The following ZC3H12C variants were observed in gnomAD, a reference collection of about 807,000 sequenced individuals.
ZC3H12C encodes the protein zinc finger CCCH-type containing 12C.
In ZC3H12C, 20 loss-of-function variants were observed where a neutral mutation model predicts 76.3. That is an observed-to-expected ratio of 0.26 (90% CI 0.18 to 0.38). The LOEUF (loss-of-function observed/expected upper bound fraction) is 0.38. Ranked by LOEUF, ZC3H12C falls within the 10% of genes least tolerant of loss-of-function variation. The pLI is 1.00. For synonymous variants in ZC3H12C, 352 were observed against 399.6 expected (o/e 0.88, Z 1.42); for missense variants, 874 against 1,086.5 (o/e 0.80, Z 2.75).
At chr11:110,119,802 C>G (rs1437234202) in intron 1 of ZC3H12C, among the ~76,000 whole-genome samples, 1 of 152,168 alleles carries the variant, frequency 6.6e-6, no homozygotes, top group African/African-American at 2.4e-5. Context: ...GGCGAAGGAG[C>G]TTGCTCAAGC....
intron 4 of ZC3H12C, among the ~76,000 whole-genome samples, chr11:110,162,956 G>A (rs1482352958): frequency 6.6e-6 from 1 of 152,126 alleles, no homozygotes; most frequent in Non-Finnish European, 1.5e-5. Context: ...CTCTCCTAAA[G>A]TGTCACTGAA....
Position 110,107,431 on chromosome 11 carries a change from G to C in ZC3H12C, c.21+13999G>C, listed in dbSNP as rs570994143. Among the ~76,000 whole-genome samples, 3 of 152,130 alleles carry C rather than the reference G, an allele frequency of 2.0e-5. No individual in the cohort carries two copies. In the East Asian group the frequency reaches 5.8e-4, roughly 29 times the overall value. On this transcript the variant is annotated intron_variant, in intron 1 of 5. Coordinates refer to ENST00000278590, the MANE Select transcript of ZC3H12C (RefSeq NM_033390.2). ...AGGATCTCACTCTGTCACTCAGGCT[G>C]GAGTACAATGGCATGATCTCAGCTC...
chr11:110,138,379 A>G (rs1268267425), intron 2 of ZC3H12C, among the ~76,000 whole-genome samples: 3 of 152,164 alleles, frequency 2.0e-5, no homozygotes, highest in Non-Finnish European at 4.4e-5. Flanking sequence ...GTGCTGTCCA[A>G]GGGAAATACA....
rs2134209533 is a variant in ZC3H12C, at chr11:110,171,491, C to T, written c.*5754C>T. 6.6e-6 allele frequency: 1 copy of T among 152,296 alleles called. No individual in the cohort carries two copies. Among genetic ancestry groups the T allele is most frequent in the East Asian group, 1.9e-4 (1 of 5,184 alleles). 9.4% of individuals were successfully genotyped at this position (152,296 alleles called of 1,614,324 possible). On this transcript the variant is annotated 3_prime_UTR_variant, in exon 6 of 6. Transcript: ENST00000278590. Reference sequence around the variant, plus strand: ...AAACTAGTGTGATTGTATTTATCCTCTGTTCTGTGTATTTCTGTAATGGAA... The same window carrying T: ...AAACTAGTGTGATTGTATTTATCCTTTGTTCTGTGTATTTCTGTAATGGAA...
rs1862633345 is a variant in ZC3H12C, at chr11:110,169,307, C to T, written c.*3570C>T. The T allele has an allele frequency of 6.7e-6, 1 of 149,700 alleles. No homozygotes were observed. The highest frequency in any genetic ancestry group is 1.9e-4 in the East Asian group (1 of 5,150). 9.3% of individuals were successfully genotyped at this position (149,700 alleles called of 1,614,324 possible). On this transcript the variant is annotated 3_prime_UTR_variant, in exon 6 of 6. Transcript: ENST00000278590. ...AATATACTTTGCTTATGTTATAGCT[C>T]TTAGTTTGTGACAGGTGGGAGGATG... is the stretch of plus-strand genomic sequence containing the variant.
chr11:110,110,002 G>A (rs1861398733), intron 1 of ZC3H12C, among the ~76,000 whole-genome samples: 1 of 152,040 alleles, frequency 6.6e-6, no homozygotes, highest in Non-Finnish European at 1.5e-5. Context: ...AAAGTTACAG[G>A]CACAAATGTT....
intron 4 of ZC3H12C, among the ~76,000 whole-genome samples, chr11:110,162,007 G>A (rs961893813): frequency 2.6e-5 from 4 of 152,246 alleles, no homozygotes; most frequent in South Asian, 4.1e-4. Flanking sequence ...AGTGGTGGGC[G>A]CCTGTAATTC....
chr11:110,113,899 C>T (rs1861478444), intron 1 of ZC3H12C, among the ~76,000 whole-genome samples: 1 of 152,128 alleles, frequency 6.6e-6, no homozygotes, highest in Non-Finnish European at 1.5e-5. Flanking sequence ...GAGTTTCTTG[C>T]CTCCCCAAAA....
At chr11:110,130,957 G>A (rs774671141) in intron 1 of ZC3H12C, 1 of 1,423,050 alleles carries the variant, frequency 7.0e-7, no homozygotes, top group African/African-American at 1.4e-5. Flanking sequence ...ATTCCACTCG[G>A]TAATAGGTTA....
chr11:110,143,227 G>A (rs778208644), intron 2 of ZC3H12C, among the ~76,000 whole-genome samples: 30 of 152,042 alleles, frequency 2.0e-4, no homozygotes, highest in Non-Finnish European at 3.4e-4. Context: ...CTGTTTCTAC[G>A]TTTCTGTATT....
chr11:110,160,478 T>C (rs1391542478), intron 4 of ZC3H12C, among the ~76,000 whole-genome samples: 1 of 152,218 alleles, frequency 6.6e-6, no homozygotes, highest in Non-Finnish European at 1.5e-5. Flanking sequence ...TCCTTCTTTA[T>C]ATCCTTATTC....
At chr11:110,146,745 C>G (rs949812851) in intron 2 of ZC3H12C, among the ~76,000 whole-genome samples, 1 of 152,158 alleles carries the variant, frequency 6.6e-6, no homozygotes, top group Non-Finnish European at 1.5e-5. Context: ...CTTTATCTTT[C>G]TACATTTTTT....
rs754906247 is a variant in ZC3H12C, at chr11:110,169,117, G to GT, written c.*3384dup. 1 of 151,826 alleles carries GT rather than the reference G, an allele frequency of 6.6e-6. No homozygotes were observed. The highest frequency in any genetic ancestry group is 2.4e-5 in the African/African-American group (1 of 41,314). 9.4% of individuals were successfully genotyped at this position (151,826 alleles called of 1,614,324 possible). ...TTGGATGGAAAGCAGTTCTTCACTG[G>GT]TTTTATTCTTGGTATTTTCAAAGAA... On this transcript the variant is annotated 3_prime_UTR_variant, in exon 6 of 6. Coordinates refer to ENST00000278590, the MANE Select transcript of ZC3H12C (RefSeq NM_033390.2).
intron 1 of ZC3H12C, among the ~76,000 whole-genome samples, chr11:110,122,934 T>C (rs986413290): frequency 1.3e-5 from 2 of 152,224 alleles, no homozygotes; most frequent in African/African-American, 4.8e-5. Flanking sequence ...AGGTGGGGTC[T>C]ATAGTGTGGA....
At chr11:110,102,583 AAG>A (rs1158522605) in intron 1 of ZC3H12C, among the ~76,000 whole-genome samples, 23 of 152,296 alleles carry the variant, frequency 1.5e-4, no homozygotes, top group African/African-American at 5.3e-4. Context: ...AATGACAACA[AAG>A]AGGATTTCAA....
intron 3 of ZC3H12C, among the ~76,000 whole-genome samples, chr11:110,158,698 A>G (rs909628469): frequency 6.6e-6 from 1 of 152,220 alleles, no homozygotes; most frequent in Admixed American, 6.5e-5. Flanking sequence ...GTTTATAACA[A>G]CACTTGTGAC....
chr11:110,113,579 TGTAGA>T (rs1268971766), intron 1 of ZC3H12C, among the ~76,000 whole-genome samples: 5 of 152,234 alleles, frequency 3.3e-5, no homozygotes, highest in African/African-American at 1.2e-4. Context: ...AAAAGAAGTC[TGTAGA>T]CTTCATTAGA....
chr11:110,100,161 A>G lies in ZC3H12C; in HGVS notation c.21+6729A>G, dbSNP rs1239816298. The stretch of plus-strand genomic sequence containing the variant: ...TCCTGATTATTCTACAGAGTTTGGC[A>G]TATAGTAAATACTTAATGAATGTGT... On this transcript the variant is annotated intron_variant, in intron 1 of 5. Transcript: ENST00000278590. Among the ~76,000 whole-genome samples the G allele has an allele frequency of 4.0e-5, 6 of 151,536 alleles. No individual in the cohort carries two copies. The East Asian group carries it at 1.2e-3, about 29-fold the overall frequency.
chr11:110,153,676 A>G (rs138397606), intron 3 of ZC3H12C, among the ~76,000 whole-genome samples: 11 of 152,256 alleles, frequency 7.2e-5, no homozygotes, highest in African/African-American at 2.6e-4. Context: ...TTCACTAGCT[A>G]TGAAGACTTT....
Sources: gnomAD v4.1 joint callset for allele counts (sites outside exome capture counted in the v4.1 genomes callset) on GRCh38, gnomAD v4.1.1 for gene constraint, MANE v1.5 for transcripts, NCBI Gene and HGNC (gene_info 2026-07-23, HGNC 2026-07-21) for gene names.